CPED1: variants seen among roughly 807,000 people sequenced by gnomAD.
CPED1 encodes the protein cadherin-like and PC-esterase domain-containing protein 1.
CPED1 carries 114 observed loss-of-function variants against 128.2 expected under a neutral mutation model. The observed-to-expected ratio is 0.89, with a 90% confidence interval of 0.76 to 1.04. CPED1 has a LOEUF of 1.04. Among genes scored for constraint, CPED1 ranks in the 50% least tolerant of loss-of-function variants. The pLI is 0.00. For synonymous variants in CPED1, 462 were observed against 426.7 expected (o/e 1.08, Z -1.02); for missense variants, 1,211 against 1,207.1 (o/e 1.00, Z -0.05).
At chr7:121,082,753 G>A (rs549664641) in intron 5 of CPED1, among the ~76,000 whole-genome samples, 63 of 152,200 alleles carry the variant, frequency 4.1e-4, no homozygotes, top group Middle Eastern at 3.4e-3. Context: ...CATATCTAAA[G>A]TATTATGCTA....
intron 2 of CPED1, among the ~76,000 whole-genome samples, chr7:120,999,810 A>T (rs886404199): frequency 2.0e-5 from 3 of 152,200 alleles, no homozygotes; most frequent in African/African-American, 7.2e-5. Flanking sequence ...AAAATTGCTC[A>T]TACTGAGAGA....
Position 120,989,500 on chromosome 7 carries a change from GA to G in CPED1, c.-120del. On this transcript the variant is annotated 5_prime_UTR_variant, in exon 2 of 23. An upstream open reading frame in the 5' UTR loses its in-frame stop. Transcript: ENST00000310396. ...TTTTGGAAAATTCTTAAGCAGGGAT[GA>G]AGCAAACTTGATTGGAGTTGGGGAA... is the stretch of plus-strand genomic sequence containing the variant. The G allele has an allele frequency of 7.6e-7, 1 of 1,324,178 alleles. No homozygotes were observed. Among genetic ancestry groups the G allele is most frequent in the Non-Finnish European group, 1.0e-6 (1 of 961,470 alleles). 82.0% of individuals were successfully genotyped at this position (1,324,178 alleles called of 1,614,324 possible).
chr7:121,007,523 G>C (rs1304700562), intron 2 of CPED1, among the ~76,000 whole-genome samples: 1 of 152,114 alleles, frequency 6.6e-6, no homozygotes, highest in East Asian at 1.9e-4. Context: ...TGTGAACTAA[G>C]GCAACTAAGG....
At chr7:121,100,203 G>T in intron 7 of CPED1, 109 bp downstream of exon 7, 4 of 924,450 alleles carry the variant, frequency 4.3e-6, no homozygotes, top group South Asian at 1.8e-5. Flanking sequence ...CATTGAACAA[G>T]GATCACATCT....
intron 16 of CPED1, among the ~76,000 whole-genome samples, chr7:121,161,040 C>A (rs1395542924): frequency 1.3e-5 from 2 of 152,056 alleles, no homozygotes; most frequent in East Asian, 3.8e-4. Context: ...GGGAACGGAC[C>A]CCATTCACCA....
intron 16 of CPED1, among the ~76,000 whole-genome samples, chr7:121,232,609 G>C (rs1798163532): frequency 6.6e-6 from 1 of 152,082 alleles, no homozygotes; most frequent in African/African-American, 2.4e-5. Flanking sequence ...AGTTCTTCTG[G>C]GGAAAGGAAC....
intron 16 of CPED1, among the ~76,000 whole-genome samples, chr7:121,165,134 A>T (rs1412340101): frequency 2.6e-5 from 4 of 152,198 alleles, no homozygotes; most frequent in African/African-American, 9.6e-5. Flanking sequence ...GTTAAACATA[A>T]TTTAAATCTA....
chr7:121,293,013 G>A (rs1792741421), intron 22 of CPED1, among the ~76,000 whole-genome samples: 1 of 152,200 alleles, frequency 6.6e-6, no homozygotes, highest in Non-Finnish European at 1.5e-5. Context: ...ACCCACTTGA[G>A]GAGGCAGTCT....
At chr7:121,052,605 C>T (rs934551267) in intron 4 of CPED1, among the ~76,000 whole-genome samples, 1 of 152,138 alleles carries the variant, frequency 6.6e-6, no homozygotes, top group African/African-American at 2.4e-5. Context: ...GAGAACAGAG[C>T]AGATCAGCCA....
At chr7:121,159,739 G>C (rs987118759) in intron 16 of CPED1, among the ~76,000 whole-genome samples, 1 of 151,970 alleles carries the variant, frequency 6.6e-6, no homozygotes, top group Admixed American at 6.6e-5. Context: ...TATTACTCTT[G>C]TCTCTCTCCC....
chr7:121,000,457 T>G (rs993614968), intron 2 of CPED1, among the ~76,000 whole-genome samples: 20 of 152,138 alleles, frequency 1.3e-4, no homozygotes, highest in African/African-American at 1.7e-4. Flanking sequence ...AATTCACTAA[T>G]AGAGGCTAGG....
chr7:121,278,462 G>A (rs561808610), intron 22 of CPED1, among the ~76,000 whole-genome samples: 1 of 152,260 alleles, frequency 6.6e-6, no homozygotes, highest in South Asian at 2.1e-4. Flanking sequence ...CCCACCAGGA[G>A]AATGTTCCTA....
At chr7:121,178,013 G>A (rs955336033) in intron 16 of CPED1, among the ~76,000 whole-genome samples, 7 of 152,098 alleles carry the variant, frequency 4.6e-5, no homozygotes, top group African/African-American at 1.7e-4. Context: ...CAATGGGGAA[G>A]TAAAGGAGGT....
At chr7:121,081,929 C>T (rs963892863) in intron 5 of CPED1, among the ~76,000 whole-genome samples, 1 of 152,112 alleles carries the variant, frequency 6.6e-6, no homozygotes, top group Non-Finnish European at 1.5e-5. Context: ...TTAATTCATC[C>T]ACATTAGCTG....
At chr7:121,148,941 C>T (rs1421876027) in intron 16 of CPED1, among the ~76,000 whole-genome samples, 6 of 152,152 alleles carry the variant, frequency 3.9e-5, no homozygotes, top group Non-Finnish European at 8.8e-5. Flanking sequence ...ATGCTGTATG[C>T]ACTGTGGCTG....
intron 18 of CPED1, among the ~76,000 whole-genome samples, chr7:121,259,179 G>C (rs886301693): frequency 1.3e-5 from 2 of 152,000 alleles, no homozygotes; most frequent in Non-Finnish European, 1.5e-5. Context: ...CCTGCCTATA[G>C]GGAAGGAACA....
At chr7:121,150,894 G>A (rs1314569870) in intron 16 of CPED1, among the ~76,000 whole-genome samples, 2 of 152,020 alleles carry the variant, frequency 1.3e-5, no homozygotes, top group Admixed American at 6.6e-5. Context: ...TCAGCCTCTC[G>A]AGTAGCTGGG....
intron 7 of CPED1, among the ~76,000 whole-genome samples, chr7:121,110,869 G>A (rs375588639): frequency 3.9e-5 from 6 of 152,294 alleles, no homozygotes; most frequent in African/African-American, 1.4e-4. Flanking sequence ...GGGTCCAGAT[G>A]AGGAGCATGG....
chr7:121,190,986 A>C (rs1244832895), intron 16 of CPED1, among the ~76,000 whole-genome samples: 1 of 152,176 alleles, frequency 6.6e-6, no homozygotes, highest in Non-Finnish European at 1.5e-5. Flanking sequence ...GCTGAGTTTT[A>C]AAGCCTGTCT....
Sources: allele counts gnomAD v4.1 joint callset (sites outside exome capture counted in the v4.1 genomes callset), GRCh38; gene constraint gnomAD v4.1.1; transcripts MANE v1.5; gene names NCBI Gene and HGNC (gene_info 2026-07-23, HGNC 2026-07-21).